Variants in ZNF341 observed in about 807,000 individuals in gnomAD.
ZNF341 encodes zinc finger protein 341.
ZNF341 carries 52 observed loss-of-function variants against 87.7 expected under a neutral mutation model. The ratio of observed to expected loss-of-function variants is 0.59; its 90% CI spans 0.47 to 0.75. ZNF341 has a LOEUF of 0.75. Ranked by LOEUF, ZNF341 falls within the 30% of genes least tolerant of loss-of-function variation. The pLI is 0.00. For synonymous variants in ZNF341, 459 were observed against 472.7 expected, an observed-to-expected ratio of 0.97 and a Z score of 0.38; for missense variants, 977 against 1,145.9, an observed-to-expected ratio of 0.85 and a Z score of 2.13.
chr20:33,745,421 G>C, intron 3 of ZNF341, 122 bp downstream of exon 3: 1 of 936,668 alleles, frequency 1.1e-6, no homozygotes, highest in East Asian at 2.7e-5. Context: ...CTTGTGGAGT[G>C]GGGCGAGATG....
intron 4 of ZNF341, among the ~76,000 whole-genome samples, chr20:33,749,816 G>A (rs1175765959): frequency 1.3e-5 from 2 of 151,284 alleles, no homozygotes; most frequent in East Asian, 3.9e-4. Flanking sequence ...GCAGTGGTGC[G>A]ATCTTGGCTC....
intron 10 of ZNF341, among the ~76,000 whole-genome samples, chr20:33,773,189 T>C (rs1348821001): frequency 6.6e-6 from 1 of 151,932 alleles, no homozygotes; most frequent in Non-Finnish European, 1.5e-5. Context: ...GACACTGAGG[T>C]TCAAAGAGAA....
Position 33,749,061 on chromosome 20 carries a change from C to T in ZNF341, c.478C>T (p.Pro160Ser), listed in dbSNP as rs1439292317. 1.9e-6 allele frequency: 3 copies of T among 1,613,614 alleles called. No homozygotes were observed. The highest frequency in any genetic ancestry group is 2.5e-6 in the Non-Finnish European group (3 of 1,179,704). Residue 160 changes from proline (P) to serine (S), a missense_variant, in exon 4 of 15, where the codon CCA becomes TCA. Coordinates refer to ENST00000375200, the MANE Select transcript of ZNF341 (RefSeq NM_001282933.2). ...SLDQPMPQGPPPVQSSLNMHS... is the reference protein window; with the variant it reads ...SLDQPMPQGPSPVQSSLNMHS... ...GGACCAGCCCATGCCCCAGGGCCCC[C>T]CACCTGTGCAGGTAAGAAGGTGTGG...
At position 33,791,435 on chromosome 20, in the gene ZNF341, T is replaced by C; in HGVS notation, c.2483T>C (p.Leu828Pro). The C allele has an allele frequency of 4.3e-6, 7 of 1,610,402 alleles. No individual in the cohort carries two copies. The highest frequency in any genetic ancestry group is 5.9e-6 in the Non-Finnish European group (7 of 1,179,408). ...PGHAEGLGSNLALAELQAGAE... is the reference protein window; with the variant it reads ...PGHAEGLGSNPALAELQAGAE... Reference sequence around the variant, plus strand: ...CACGCTGAGGGGCTGGGCTCCAACCTGGCTCTGGCGGAGCTGCAGGCTGGG... The same window carrying C: ...CACGCTGAGGGGCTGGGCTCCAACCCGGCTCTGGCGGAGCTGCAGGCTGGG... Residue 828 changes from leucine to proline, a missense_variant, in exon 15 of 15, where the codon CTG becomes CCG. Leu to Pro is a moderately conservative substitution (Grantham distance 98). Coordinates refer to ENST00000375200, the MANE Select transcript of ZNF341 (RefSeq NM_001282933.2).
chr20:33,745,082 A>G lies in ZNF341; in HGVS notation c.143-21A>G, dbSNP rs757069072. On this transcript the variant is annotated intron_variant, in intron 2 of 14. Transcript: ENST00000375200. Reference sequence around the variant, plus strand: ...CCTTCATCTGTGGCCTCTTCCCACTACTCTGCGGGTATGACCCCAGATGAC... The same window carrying G: ...CCTTCATCTGTGGCCTCTTCCCACTGCTCTGCGGGTATGACCCCAGATGAC... 11 of 1,600,042 alleles carry G rather than the reference A, an allele frequency of 6.9e-6. 1 individual carries two copies. In the South Asian group the frequency reaches 1.2e-4, roughly 18 times the overall value.
intron 5 of ZNF341, among the ~76,000 whole-genome samples, chr20:33,755,308 G>A (rs2122669880): frequency 6.6e-6 from 1 of 151,962 alleles, no homozygotes; most frequent in South Asian, 2.1e-4. Context: ...AACCAGGCAA[G>A]GTATTTCTGC....
Position 33,781,906 on chromosome 20 carries a change from C to G in ZNF341, c.1719+519C>G, listed in dbSNP as rs966564819. 2.0e-5 allele frequency among the ~76,000 whole-genome samples: 3 copies of G among 151,778 alleles called. No individual in the cohort carries two copies. In the South Asian group the frequency reaches 6.2e-4, roughly 32 times the overall value. On this transcript the variant is annotated intron_variant, in intron 11 of 14. Transcript: ENST00000375200. ...TGTTGCCCAGGCTGGTCTCAAACTC[C>G]TGGGCTTAAGGGACCTGTCCACCTT...
At chr20:33,757,756 G>A (rs2019210687) in intron 6 of ZNF341, among the ~76,000 whole-genome samples, 1 of 152,220 alleles carries the variant, frequency 6.6e-6, no homozygotes, top group Admixed American at 6.5e-5. Context: ...TGATATTTTT[G>A]CTCATATCTC....
At chr20:33,748,887 C>A (rs745754781) in intron 3 of ZNF341, 36 bp from the exon 4 acceptor site, 1 of 1,583,634 alleles carries the variant, frequency 6.3e-7, no homozygotes, top group Non-Finnish European at 8.6e-7. Flanking sequence ...CTCTGTCTCT[C>A]TCCGTCTCAC....
At chr20:33,783,211 T>C (rs1438678617) in intron 11 of ZNF341, among the ~76,000 whole-genome samples, 3 of 152,088 alleles carry the variant, frequency 2.0e-5, no homozygotes, top group Non-Finnish European at 4.4e-5. Context: ...TAGATTTCTT[T>C]AGTAATTTGC....
At position 33,762,009 on chromosome 20, in the gene ZNF341, G is replaced by A. The variant is rs764166660; in HGVS notation, c.1176G>A (p.Gln392=). ...GTVSRNSVTV[Q]VMALNPSRQE... is the part of the protein sequence containing the mutation. ...TGTCTCGAAACTCTGTGACCGTACA[G>A]GTCATGGCCCTGAACCCCAGCAGGC... The change falls in exon 8 of 15, where the codon CAG becomes CAA. Residue 392 remains glutamine, a synonymous_variant. Coordinates refer to ENST00000375200, the MANE Select transcript of ZNF341 (RefSeq NM_001282933.2). 5.0e-6 allele frequency: 8 copies of A among 1,596,338 alleles called. No individual in the cohort carries two copies. The Admixed American group carries it at 5.1e-5, about 10-fold the overall frequency.
At chr20:33,778,483 G>C (rs539524806) in intron 10 of ZNF341, among the ~76,000 whole-genome samples, 2 of 152,104 alleles carry the variant, frequency 1.3e-5, no homozygotes, top group Non-Finnish European at 2.9e-5. Flanking sequence ...GCTAATTTTT[G>C]TATTTTTAGT....
rs574095295 is a variant in ZNF341, at chr20:33,791,595, T to A, written c.*78T>A. ...AGGGCCCCTGGGGGCAGACCGGTGA[T>A]CCTTACCAGTGGAAGCGAGCCATCG... On this transcript the variant is annotated 3_prime_UTR_variant, in exon 15 of 15. Transcript: ENST00000375200. 233 of 1,404,918 alleles carry A rather than the reference T, an allele frequency of 1.7e-4. No individual in the cohort carries two copies. The African/African-American group carries it at 3.1e-3, about 19-fold the overall frequency. The allele number at this position is 1,404,918 out of a possible 1,614,324, so 87.0% of individuals were successfully genotyped here.
chr20:33,787,717 C>A (rs1453225456), intron 12 of ZNF341: 1 of 152,286 alleles, frequency 6.6e-6, no homozygotes, highest in Non-Finnish European at 1.5e-5. Context: ...GCTCCCGCAA[C>A]CATAGGGGTA....
chr20:33,752,120 T>TTTTTTTTTA, intron 4 of ZNF341: 1 of 356,982 alleles, frequency 2.8e-6, no homozygotes, highest in Non-Finnish European at 5.4e-6. Context: ...CCCCCCCCCT[T>TTTTTTTTTA]TTTTTTTAAT....
At chr20:33,770,343 G>GCA in intron 10 of ZNF341, 51 bp downstream of exon 10, 1 of 511,254 alleles carries the variant, frequency 2.0e-6, no homozygotes, top group Non-Finnish European at 4.0e-6. Flanking sequence ...GGTGGGCAGG[G>GCA]AGCCCAGGGC....
intron 11 of ZNF341, among the ~76,000 whole-genome samples, chr20:33,781,991 T>G (rs2122727980): frequency 6.6e-6 from 1 of 152,100 alleles, no homozygotes. Context: ...AAATTTTTTG[T>G]AGAGATAGGG....
intron 14 of ZNF341, 85 bp downstream of exon 14, chr20:33,789,673 A>G (rs1486916881): frequency 6.9e-7 from 1 of 1,447,874 alleles, no homozygotes; most frequent in Non-Finnish European, 9.6e-7. Context: ...AAGAGCAGAC[A>G]TATCCTGTGA....
rs2018572941 is a variant in ZNF341, at chr20:33,732,045, C to T, written c.24C>T (p.Ala8=). The T allele has an allele frequency of 7.6e-7, 1 of 1,314,630 alleles. No individual in the cohort carries two copies. Among genetic ancestry groups the T allele is most frequent in the Non-Finnish European group, 9.7e-7 (1 of 1,025,882 alleles). The allele number at this position is 1,314,630 out of a possible 1,614,324, so 81.4% of individuals were successfully genotyped here. MAQAIFE[A]LEGMDNQTVL... is the part of the protein sequence containing the mutation. ...AGATGGCGCAGGCGATCTTTGAGGC[C>T]CTGGAGGGTGAGCGGCGGCGGGGCC... Residue 8 remains alanine (A), a synonymous_variant, in exon 1 of 15, where the codon GCC becomes GCT. Coordinates refer to ENST00000375200, the MANE Select transcript of ZNF341 (RefSeq NM_001282933.2). This position sits in a 1 kb window ranked among gnomAD's most constrained non-coding sequence, Gnocchi z 4.5.
Sources: allele counts gnomAD v4.1 joint callset (sites outside exome capture counted in the v4.1 genomes callset), GRCh38; gene constraint gnomAD v4.1.1; non-coding constraint Gnocchi (gnomAD v3.1); transcripts MANE v1.5; gene names NCBI Gene and HGNC (gene_info 2026-07-23, HGNC 2026-07-21).